Variants in CRIM1 observed in about 807,000 individuals in gnomAD.
CRIM1 encodes the protein cysteine-rich motor neuron 1 protein.
Under a neutral mutation model 116.4 loss-of-function variants are expected in CRIM1, and 32 were observed. That is an observed-to-expected ratio of 0.27 (90% confidence interval 0.21 to 0.37). The LOEUF is 0.37. CRIM1 is among the 10% of genes least tolerant of loss of function. The pLI is 1.00. For synonymous variants in CRIM1, 590 were observed against 509.2 expected, an observed-to-expected ratio of 1.16 and a Z score of -2.13; for missense variants, 1,331 against 1,354.8, an observed-to-expected ratio of 0.98 and a Z score of 0.28.
chr2:36,506,654 C>T (rs767990141), intron 8 of CRIM1, among the ~76,000 whole-genome samples: 15 of 152,084 alleles, frequency 9.9e-5, no homozygotes, highest in Non-Finnish European at 1.9e-4. Context: ...TTGTTCATCA[C>T]TTTCTCTTCA....
At chr2:36,520,151 G>A (rs923181026) in intron 12 of CRIM1, among the ~76,000 whole-genome samples, 1 of 152,194 alleles carries the variant, frequency 6.6e-6, no homozygotes. Context: ...CTCTACCTCG[G>A]CTCCAGCCCT....
At chr2:36,457,864 C>T (rs1305198897) in intron 4 of CRIM1, among the ~76,000 whole-genome samples, 1 of 152,110 alleles carries the variant, frequency 6.6e-6, no homozygotes, top group Non-Finnish European at 1.5e-5. Context: ...TAGAATAGCA[C>T]TGTGTTTTAT....
chr2:36,513,642 C>T lies in CRIM1; in HGVS notation c.1867C>T (p.His623Tyr). ...GHHHKNEESW[H>Y]DGCRECYCLN... The stretch of plus-strand genomic sequence containing the variant: ...TCATCATAAAAATGAGGAGAGCTGG[C>T]ACGATGGGTGCCGGGAATGCTACTG... The change falls in exon 11 of 17, where the codon CAC (histidine) becomes TAC (tyrosine). Residue 623 changes from histidine to tyrosine, a missense_variant. This residue lies in a region of CRIM1 where 358 missense variants were observed against 436.1 expected (regional missense o/e 0.82). Coordinates refer to ENST00000280527, the MANE Select transcript of CRIM1 (RefSeq NM_016441.3). 6.2e-7 allele frequency: 1 copy of T among 1,614,178 alleles called. No homozygotes were observed. The highest frequency in any genetic ancestry group is 8.5e-7 in the Non-Finnish European group (1 of 1,180,016).
At chr2:36,388,039 T>G (rs901904041) in intron 1 of CRIM1, among the ~76,000 whole-genome samples, 1 of 152,068 alleles carries the variant, frequency 6.6e-6, no homozygotes, top group African/African-American at 2.4e-5. Context: ...AATGTTGACA[T>G]ATGGTACTTC....
chr2:36,446,969 A>G (rs1676294231), intron 4 of CRIM1, among the ~76,000 whole-genome samples: 1 of 152,274 alleles, frequency 6.6e-6, no homozygotes, highest in Non-Finnish European at 1.5e-5. Flanking sequence ...CAGATACATT[A>G]ATGCAAATTA....
chr2:36,523,011 G>A (rs1665516072), intron 13 of CRIM1, among the ~76,000 whole-genome samples: 1 of 150,988 alleles, frequency 6.6e-6, no homozygotes, highest in Admixed American at 6.6e-5. Context: ...CTGGAGTGCA[G>A]TGGTGCAATC....
intron 15 of CRIM1, 113 bp downstream of exon 15, chr2:36,544,611 T>C (rs1667182939): frequency 1.8e-6 from 2 of 1,110,406 alleles, no homozygotes; most frequent in South Asian, 4.2e-5. Context: ...CTGAAGTAAA[T>C]TCAAATAACT....
chr2:36,393,701 G>A (rs542994979), intron 1 of CRIM1, among the ~76,000 whole-genome samples: 1 of 152,268 alleles, frequency 6.6e-6, no homozygotes, highest in Non-Finnish European at 1.5e-5. Flanking sequence ...GCTAGGTTTT[G>A]AAGGATGAGC....
intron 2 of CRIM1, among the ~76,000 whole-genome samples, chr2:36,408,611 G>A (rs541593415): frequency 1.1e-3 from 175 of 152,318 alleles, no homozygotes; most frequent in African/African-American, 3.8e-3. Context: ...GGGGTTCTCC[G>A]CCTCCTGCAG....
chr2:36,364,470 G>A (rs969929300), intron 1 of CRIM1, among the ~76,000 whole-genome samples: 42 of 152,128 alleles, frequency 2.8e-4, no homozygotes, highest in Non-Finnish European at 5.1e-4. Context: ...ATGAGATAAC[G>A]GAAATGCCAA....
chr2:36,478,176 A>G (rs1200609209), intron 6 of CRIM1, among the ~76,000 whole-genome samples: 1 of 152,248 alleles, frequency 6.6e-6, no homozygotes, highest in African/African-American at 2.4e-5. Flanking sequence ...TAAAAATTGC[A>G]TTCCTAACAT....
intron 2 of CRIM1, 126 bp downstream of exon 2, chr2:36,396,913 C>A: frequency 1.3e-6 from 1 of 770,916 alleles, no homozygotes. Flanking sequence ...TGTATAATCC[C>A]AACTAAGATG....
chr2:36,421,491 C>T (rs1326266808), intron 2 of CRIM1, among the ~76,000 whole-genome samples: 1 of 152,156 alleles, frequency 6.6e-6, no homozygotes, highest in Non-Finnish European at 1.5e-5. Context: ...AACTCAAATT[C>T]TTACTTTTCC....
intron 2 of CRIM1, among the ~76,000 whole-genome samples, chr2:36,405,331 A>G (rs911763078): frequency 6.6e-6 from 1 of 152,160 alleles, no homozygotes; most frequent in South Asian, 2.1e-4. Context: ...TCATGGAGAC[A>G]CTTTTCAGCT....
At chr2:36,357,328 A>G (rs1668914219) in intron 1 of CRIM1, among the ~76,000 whole-genome samples, 1 of 152,148 alleles carries the variant, frequency 6.6e-6, no homozygotes, top group African/African-American at 2.4e-5. Flanking sequence ...AGTTGTTGCT[A>G]TTAGTGGCTG....
chr2:36,443,254 G>A (rs1296928910), intron 4 of CRIM1, among the ~76,000 whole-genome samples: 5 of 152,134 alleles, frequency 3.3e-5, no homozygotes, highest in Non-Finnish European at 5.9e-5. Flanking sequence ...GCTTGACTGC[G>A]GGGAAGAGCC....
At position 36,490,870 on chromosome 2, in the gene CRIM1, C is replaced by T. The variant is rs7596426; in HGVS notation, c.1373-8349C>T. On this transcript the variant is annotated intron_variant, in intron 7 of 16. Coordinates refer to ENST00000280527, the MANE Select transcript of CRIM1 (RefSeq NM_016441.3). ...CTTAAGTCCCCACTGAGTAACTGAG[C>T]TGCTCAGCCTCCATCAGTCTGCCAG... 5.4e-3 allele frequency among the ~76,000 whole-genome samples: 825 copies of T among 152,286 alleles called. 10 individuals carry two copies. Among genetic ancestry groups the T allele is most frequent in the African/African-American group, 0.019 (783 of 41,552 alleles).
intron 15 of CRIM1, among the ~76,000 whole-genome samples, chr2:36,546,154 T>C (rs992238826): frequency 6.6e-6 from 1 of 152,190 alleles, no homozygotes; most frequent in African/African-American, 2.4e-5. Context: ...CATGTGTCTT[T>C]AACTAAATTG....
At chr2:36,398,126 T>C (rs1672160534) in intron 2 of CRIM1, among the ~76,000 whole-genome samples, 1 of 152,248 alleles carries the variant, frequency 6.6e-6, no homozygotes, top group South Asian at 2.1e-4. Context: ...CATGTCTGTT[T>C]ACATAGTTAA....
Sources: gnomAD v4.1 joint callset for allele counts (sites outside exome capture counted in the v4.1 genomes callset) on GRCh38, gnomAD v4.1.1 for gene constraint, gnomAD v4.1.1 regional missense constraint, MANE v1.5 for transcripts, NCBI Gene and HGNC (gene_info 2026-07-23, HGNC 2026-07-21) for gene names.